Variants in TIAM2 observed in about 807,000 individuals in gnomAD.
TIAM2 encodes the protein TIAM Rac1 associated GEF 2, also known as rho guanine nucleotide exchange factor TIAM2.
TIAM2 carries 80 observed loss-of-function variants against 152.9 expected under a neutral mutation model. The observed-to-expected ratio is 0.52, with a 90% CI of 0.44 to 0.63. The LOEUF is 0.63. TIAM2 is among the 30% of genes least tolerant of loss of function. TIAM2 has a pLI of 0.00. For synonymous variants in TIAM2, 804 were observed against 838.0 expected (o/e 0.96, Z 0.70); for missense variants, 1,965 against 2,120.1 (o/e 0.93, Z 1.44).
At chr6:155,058,558 A>G (rs1451926333) in intron 1 of TIAM2, among the ~76,000 whole-genome samples, 5 of 152,246 alleles carry the variant, frequency 3.3e-5, no homozygotes, top group African/African-American at 1.2e-4. Context: ...TTGACAACAT[A>G]CTATATGTAA....
chr6:155,090,406 A>T (rs1468533935), intron 2 of TIAM2, 27 bp downstream of exon 2: 2 of 152,176 alleles, frequency 1.3e-5, no homozygotes, highest in Admixed American at 1.3e-4. Context: ...TGTATATCTC[A>T]AAGGCTTTAA....
chr6:155,251,131 C>A, intron 22 of TIAM2, 110 bp downstream of exon 22: 1 of 927,564 alleles, frequency 1.1e-6, no homozygotes, highest in South Asian at 1.4e-5. Flanking sequence ...GTCAGAATTG[C>A]TATAATGGTT....
chr6:155,096,028 A>G (rs924724062), intron 2 of TIAM2, among the ~76,000 whole-genome samples: 5 of 152,132 alleles, frequency 3.3e-5, no homozygotes, highest in South Asian at 2.1e-4. Flanking sequence ...CTTTTTGGGT[A>G]GCGTAATAAT....
At chr6:155,047,722 AGAGC>A (rs752934126) in intron 1 of TIAM2, among the ~76,000 whole-genome samples, 39,830 of 125,842 alleles carry the variant, frequency 0.32, 8,536 homozygotes, top group Middle Eastern at 0.41. Flanking sequence ...AGAGAGAGAG[AGAGC>A]GAGAGAGAGA....
chr6:155,197,861 G>A (rs1168252604), intron 14 of TIAM2, among the ~76,000 whole-genome samples: 1 of 152,140 alleles, frequency 6.6e-6, no homozygotes, highest in Non-Finnish European at 1.5e-5. Context: ...TGGGGATTAT[G>A]GGAACTACAA....
intron 1 of TIAM2, among the ~76,000 whole-genome samples, chr6:155,074,796 G>A (rs769705900): frequency 1.3e-5 from 2 of 149,912 alleles, no homozygotes; most frequent in African/African-American, 5.0e-5. Flanking sequence ...TGATCCCAGC[G>A]GTCTTTGAAA....
At chr6:155,052,973 A>G (rs954306753) in intron 1 of TIAM2, among the ~76,000 whole-genome samples, 1 of 152,098 alleles carries the variant, frequency 6.6e-6, no homozygotes, top group African/African-American at 2.4e-5. Context: ...TGCGTTATTA[A>G]TGAGTATCTG....
chr6:155,234,735 G>A (rs1583272189), intron 15 of TIAM2, among the ~76,000 whole-genome samples: 1 of 152,216 alleles, frequency 6.6e-6, no homozygotes, highest in African/African-American at 2.4e-5. Context: ...GCATTCCTGG[G>A]GTGGGGGTGG....
intron 2 of TIAM2, among the ~76,000 whole-genome samples, chr6:155,116,678 A>G (rs1488886911): frequency 1.3e-5 from 2 of 152,194 alleles, no homozygotes; most frequent in Admixed American, 1.3e-4. Context: ...AGGTTTCCAT[A>G]GTCAGCAAGA....
intron 1 of TIAM2, among the ~76,000 whole-genome samples, chr6:155,079,125 G>A (rs1436249078): frequency 1.3e-5 from 2 of 151,910 alleles, no homozygotes; most frequent in East Asian, 1.9e-4. Flanking sequence ...GCAGTGGTGC[G>A]ATCTCGGCTC....
intron 14 of TIAM2, among the ~76,000 whole-genome samples, chr6:155,187,615 T>C (rs1172855688): frequency 7.2e-6 from 1 of 139,402 alleles, no homozygotes; most frequent in African/African-American, 2.7e-5. Context: ...GTTTTGCTCT[T>C]GTTGCCCAGG....
At chr6:155,179,799 C>T (rs895708498) in intron 12 of TIAM2, among the ~76,000 whole-genome samples, 1 of 152,196 alleles carries the variant, frequency 6.6e-6, no homozygotes, top group Admixed American at 6.5e-5. Context: ...GCTTTCATCT[C>T]TAGTGTCTTT....
At chr6:155,161,630 C>T (rs200378859) in intron 7 of TIAM2, among the ~76,000 whole-genome samples, 85 of 149,012 alleles carry the variant, frequency 5.7e-4, no homozygotes, top group African/African-American at 1.7e-3. Context: ...TGCAGTGGTG[C>T]GATCTCAGCT....
chr6:155,200,055 CT>C (rs901930535), intron 14 of TIAM2, among the ~76,000 whole-genome samples: 1 of 151,940 alleles, frequency 6.6e-6, no homozygotes, highest in Non-Finnish European at 1.5e-5. Flanking sequence ...ATTTTAACTG[CT>C]TTTTTTTCCT....
At chr6:155,240,452 C>A in intron 15 of TIAM2, 78 bp from the exon 16 acceptor site, 2 of 1,467,022 alleles carry the variant, frequency 1.4e-6, no homozygotes, top group East Asian at 2.3e-5. Context: ...CAGACGGAGA[C>A]ACTTGGTGCC....
At chr6:155,068,498 C>T (rs1425966375) in intron 1 of TIAM2, among the ~76,000 whole-genome samples, 3 of 151,742 alleles carry the variant, frequency 2.0e-5, no homozygotes, top group South Asian at 4.2e-4. Context: ...TGCAATGGCA[C>T]GATCTTGTCC....
chr6:155,016,697 A>G (rs763140750), intron 1 of TIAM2, among the ~76,000 whole-genome samples: 1 of 152,056 alleles, frequency 6.6e-6, no homozygotes, highest in Admixed American at 6.6e-5. Context: ...TCAGGAGTTC[A>G]AGACCAGCCT....
At chr6:155,244,541 TTC>T in intron 17 of TIAM2, 115 bp from the exon 18 acceptor site, 1 of 1,283,742 alleles carries the variant, frequency 7.8e-7, no homozygotes, top group Non-Finnish European at 1.1e-6. Context: ...AGGATTTACT[TTC>T]TGTCTGCTTT....
intron 20 of TIAM2, among the ~76,000 whole-genome samples, chr6:155,249,154 A>C (rs535878358): frequency 1.6e-3 from 248 of 152,292 alleles, no homozygotes; most frequent in South Asian, 2.5e-3. Flanking sequence ...CTGAATTGGG[A>C]GAAAAAAAAG....
Sources: gnomAD v4.1 joint callset for allele counts (sites outside exome capture counted in the v4.1 genomes callset) on GRCh38, gnomAD v4.1.1 for gene constraint, MANE v1.5 for transcripts, NCBI Gene and HGNC (gene_info 2026-07-23, HGNC 2026-07-21) for gene names.